Variants in STK33 observed in about 807,000 individuals in gnomAD.
The protein encoded by STK33 is serine/threonine kinase 33.
A neutral mutation model predicts 58.0 loss-of-function variants in STK33; 52 were observed. The observed-to-expected ratio is 0.90, with a 90% CI of 0.72 to 1.13. The LOEUF is 1.13. Among genes scored for constraint, STK33 ranks in the 50% most tolerant of loss-of-function variants. The probability of loss-of-function intolerance (pLI) is 0.00; values close to 1 mark genes in which losing one functional copy is unlikely to be tolerated. For synonymous variants in STK33, 215 were observed against 200.1 expected (o/e 1.07, Z -0.63); for missense variants, 630 against 604.2 (o/e 1.04, Z -0.45).
chr11:8,406,967 T>A (rs1238659960), intron 15 of STK33, among the ~76,000 whole-genome samples: 1 of 132,318 alleles, frequency 7.6e-6, no homozygotes, highest in Non-Finnish European at 1.6e-5. Flanking sequence ...TGATACTAAT[T>A]GTAGTTTTGG....
intron 12 of STK33, among the ~76,000 whole-genome samples, chr11:8,439,748 A>T (rs1223672491): frequency 6.6e-6 from 1 of 151,422 alleles, no homozygotes; most frequent in African/African-American, 2.4e-5. Context: ...GGCATTCTGG[A>T]ATCAGGTCAT....
In STK33 at chr11:8,435,594, A is replaced by C. The variant is rs1448931040; in HGVS notation, c.1061-15T>G. On this transcript the variant is annotated splice_polypyrimidine_tract_variant and intron_variant, in intron 13 of 15. Coordinates refer to ENST00000687296, the MANE Select transcript of STK33 (RefSeq NM_001352389.2). ...AACACTTTTAGCTAAAAATAAGAAA[A>C]AAATCCTGAAAAATCTTATTTAACT... 7.1e-7 allele frequency: 1 copy of C among 1,408,426 alleles called. No individual in the cohort carries two copies. The highest frequency in any genetic ancestry group is 9.5e-7 in the Non-Finnish European group (1 of 1,051,846). 87.2% of individuals were successfully genotyped at this position (1,408,426 alleles called of 1,614,324 possible).
At chr11:8,407,765 GA>G (rs894259295) in intron 15 of STK33, among the ~76,000 whole-genome samples, 1 of 151,466 alleles carries the variant, frequency 6.6e-6, no homozygotes, top group African/African-American at 2.4e-5. Flanking sequence ...TGGAGTCTCA[GA>G]AAAAAAAGGA....
downstream of STK33, among the ~76,000 whole-genome samples, chr11:8,386,937 G>A (rs1461665154): frequency 2.0e-5 from 3 of 152,196 alleles, no homozygotes; most frequent in Non-Finnish European, 4.4e-5. Context: ...GATCTGTCAT[G>A]TCTGCACAGA....
intron 1 of STK33, 110 bp from the exon 2 acceptor site, chr11:8,480,724 G>A (rs1175530011): frequency 1.3e-5 from 2 of 152,136 alleles, no homozygotes; most frequent in Non-Finnish European, 2.9e-5. Context: ...CGAGCAAGGG[G>A]GCCCACATGT....
chr11:8,470,943 A>G (rs954799427), intron 6 of STK33, among the ~76,000 whole-genome samples: 4 of 152,236 alleles, frequency 2.6e-5, no homozygotes, highest in Non-Finnish European at 5.9e-5. Context: ...ATGTGACACA[A>G]AGGCACAAAA....
intron 1 of STK33, among the ~76,000 whole-genome samples, chr11:8,537,817 A>T (rs868530557): frequency 7.4e-4 from 111 of 150,956 alleles, no homozygotes; most frequent in African/African-American, 2.6e-3. Flanking sequence ...TTCAAAAAAA[A>T]AAAAAAATTA....
At chr11:8,342,181 T>C in the STK33 span, among the ~76,000 whole-genome samples, 7 of 152,210 alleles carry the variant, frequency 4.6e-5, no homozygotes, top group Non-Finnish European at 8.8e-5. Flanking sequence ...ATATTCTCAT[T>C]TGTGATTGGC....
chr11:8,497,362 A>C (rs1422234503), intron 1 of STK33, among the ~76,000 whole-genome samples: 1 of 152,230 alleles, frequency 6.6e-6, no homozygotes, highest in Non-Finnish European at 1.5e-5. Context: ...AGAGAGAAGC[A>C]ACTTATCACA....
chr11:8,343,394 GT>G, the STK33 span, among the ~76,000 whole-genome samples: 1 of 152,268 alleles, frequency 6.6e-6, no homozygotes, highest in Admixed American at 6.5e-5. Context: ...ATGACTGGCA[GT>G]GGGGACAGCA....
intron 15 of STK33, among the ~76,000 whole-genome samples, chr11:8,406,013 G>A: frequency 6.6e-6 from 1 of 151,892 alleles, no homozygotes; most frequent in Non-Finnish European, 1.5e-5. Flanking sequence ...CATGGTGGCG[G>A]GTGCCTGTAG....
At chr11:8,583,666 A>G (rs1414329636) in intron 1 of STK33, among the ~76,000 whole-genome samples, 1 of 152,172 alleles carries the variant, frequency 6.6e-6, no homozygotes, top group Non-Finnish European at 1.5e-5. Flanking sequence ...TATGACCAAA[A>G]CTTTCTAAAT....
At chr11:8,421,116 T>C (rs565173261) in intron 14 of STK33, among the ~76,000 whole-genome samples, 1 of 152,314 alleles carries the variant, frequency 6.6e-6, no homozygotes, top group Admixed American at 6.5e-5. Flanking sequence ...CCTTCTGGTG[T>C]TGTTTTATTA....
intron 1 of STK33, among the ~76,000 whole-genome samples, chr11:8,495,422 G>A (rs895864148): frequency 2.6e-5 from 4 of 152,186 alleles, no homozygotes; most frequent in Non-Finnish European, 5.9e-5. Flanking sequence ...CAGTTAGAAT[G>A]GTGATCATTA....
chr11:8,363,618 A>G, the STK33 span, among the ~76,000 whole-genome samples: 1 of 152,236 alleles, frequency 6.6e-6, no homozygotes, highest in African/African-American at 2.4e-5. Flanking sequence ...GTGCAGGTGC[A>G]TGTACCAGCA....
intron 1 of STK33, among the ~76,000 whole-genome samples, chr11:8,491,158 G>C (rs1358983493): frequency 6.6e-6 from 1 of 152,154 alleles, no homozygotes; most frequent in Non-Finnish European, 1.5e-5. Flanking sequence ...GCTAAATGAG[G>C]ATGTTTGAAC....
At position 8,473,208 on chromosome 11, in the gene STK33, T is replaced by G. The variant is rs34525052; in HGVS notation, c.294A>C (p.Glu98Asp). 891 of 1,613,696 alleles carry G rather than the reference T, an allele frequency of 5.5e-4. 13 individuals are homozygous for G. In the East Asian group the frequency reaches 0.018, roughly 33 times the overall value. The part of the protein sequence containing the change: ...QQQWGRGNFT[E>D]GKVPHIRIEN... ...CAATCCTTATGTGAGGAACTTTTCC[T>G]TCTGTAAAGTTGCCCCGACCCCATT... The change falls in exon 6 of 16, where the codon GAA becomes GAC. Residue 98 changes from glutamate to aspartate, a missense_variant. By Grantham distance (45) the Glu-to-Asp change is conservative (BLOSUM62 2). Transcript: ENST00000687296.
chr11:8,538,191 A>C (rs1955206480), intron 1 of STK33, among the ~76,000 whole-genome samples: 2 of 152,240 alleles, frequency 1.3e-5, no homozygotes, highest in Non-Finnish European at 2.9e-5. Context: ...GTATCAAAAA[A>C]AAAAAAGAGT....
chr11:8,526,012 C>T (rs1953988418), intron 1 of STK33, among the ~76,000 whole-genome samples: 1 of 152,156 alleles, frequency 6.6e-6, no homozygotes, highest in Admixed American at 6.5e-5. Flanking sequence ...TACCACTACA[C>T]ACCCACTCAC....
Sources: allele counts gnomAD v4.1 joint callset (sites outside exome capture counted in the v4.1 genomes callset), GRCh38; gene constraint gnomAD v4.1.1; transcripts MANE v1.5; gene names NCBI Gene and HGNC (gene_info 2026-07-23, HGNC 2026-07-21).